The following GRM3 variants were observed in gnomAD, a reference collection of about 807,000 sequenced individuals.
GRM3 encodes metabotropic glutamate receptor 3.
Under a neutral mutation model 70.5 loss-of-function variants are expected in GRM3, and 26 were observed. That is an observed-to-expected ratio of 0.37 (90% CI 0.27 to 0.51). GRM3 has a LOEUF of 0.51. GRM3 is among the 20% of genes least tolerant of loss of function. The pLI is 0.93. For missense variants in GRM3, 859 were observed against 1,123.8 expected (o/e 0.76, Z 3.37); for synonymous variants, 443 against 434.9 (o/e 1.02, Z -0.23).
intron 4 of GRM3, among the ~76,000 whole-genome samples, 171 bp downstream of exon 4, chr7:86,840,076 A>C (rs1314483719): frequency 6.6e-6 from 1 of 152,228 alleles, no homozygotes; most frequent in Non-Finnish European, 1.5e-5. Context: ...GATAGCATTT[A>C]ATTAGTACCT....
At chr7:86,853,017 C>A (rs1798781895) in intron 5 of GRM3, among the ~76,000 whole-genome samples, 2 of 151,970 alleles carry the variant, frequency 1.3e-5, no homozygotes, top group African/African-American at 4.8e-5. Context: ...TATTGAGTAC[C>A]TACTACACAC....
At chr7:86,664,739 T>C (rs1415213177) in intron 1 of GRM3, among the ~76,000 whole-genome samples, 4 of 151,910 alleles carry the variant, frequency 2.6e-5, no homozygotes, top group Non-Finnish European at 4.4e-5. Flanking sequence ...GAGAAGCTCA[T>C]AGAGGGTGAT....
intron 1 of GRM3, among the ~76,000 whole-genome samples, chr7:86,677,491 A>G (rs574858821): frequency 6.6e-6 from 1 of 152,108 alleles, no homozygotes; most frequent in African/African-American, 2.4e-5. Context: ...ATATTTGGTC[A>G]CCAAACCTGT....
At chr7:86,785,718 T>TTG (rs1562862965) in intron 2 of GRM3, among the ~76,000 whole-genome samples, 1 of 122,640 alleles carries the variant, frequency 8.2e-6, no homozygotes, top group African/African-American at 3.2e-5. Flanking sequence ...TTTTTTTTTT[T>TTG]GCTTAACCTA....
At position 86,816,229 on chromosome 7, in the gene GRM3, T is replaced by C. The variant is rs1798011651; in HGVS notation, c.1325-22610T>C. ...CAAAGAAAAATATAGTGCTTCCCCA[T>C]CCAGTGGCTATTATTGCCTTTCAAC... is the stretch of plus-strand genomic sequence containing the variant. On this transcript the variant is annotated intron_variant, in intron 3 of 5. Coordinates refer to ENST00000361669, the MANE Select transcript of GRM3 (RefSeq NM_000840.3). Among the ~76,000 whole-genome samples the C allele has an allele frequency of 3.3e-5, 5 of 151,874 alleles. No individual in the cohort carries two copies. The South Asian group carries it at 1.0e-3, about 31-fold the overall frequency.
intron 1 of GRM3, among the ~76,000 whole-genome samples, chr7:86,678,989 T>G (rs1372954535): frequency 6.6e-6 from 1 of 152,106 alleles, no homozygotes; most frequent in Non-Finnish European, 1.5e-5. Flanking sequence ...AAAGTCTTTT[T>G]TTATCACTAT....
chr7:86,859,367 A>C (rs75975901), intron 5 of GRM3, among the ~76,000 whole-genome samples: 4,117 of 152,300 alleles, frequency 0.027, 184 homozygotes, highest in African/African-American at 0.094. Flanking sequence ...ATCTGCCCAG[A>C]TAACATCTAT....
At chr7:86,727,726 T>G (rs139518688) in intron 1 of GRM3, among the ~76,000 whole-genome samples, 186 of 152,272 alleles carry the variant, frequency 1.2e-3, no homozygotes, top group Non-Finnish European at 1.9e-3. Context: ...GAACTTACTG[T>G]TTTTCAGTCC....
intron 1 of GRM3, among the ~76,000 whole-genome samples, chr7:86,709,342 C>T (rs951081150): frequency 6.6e-6 from 1 of 152,120 alleles, no homozygotes; most frequent in East Asian, 1.9e-4. Flanking sequence ...ACCCATCCTA[C>T]TCCACTGCTT....
At chr7:86,660,316 A>G (rs1172198196) in intron 1 of GRM3, among the ~76,000 whole-genome samples, 1 of 152,034 alleles carries the variant, frequency 6.6e-6, no homozygotes, top group African/African-American at 2.4e-5. Context: ...CTTTCCTTGT[A>G]TCCTAGGAGA....
intron 1 of GRM3, among the ~76,000 whole-genome samples, chr7:86,679,796 G>T (rs1420270067): frequency 6.6e-6 from 1 of 151,836 alleles, no homozygotes; most frequent in Non-Finnish European, 1.5e-5. Flanking sequence ...TGCCCGGGGA[G>T]GTTTGTTACC....
chr7:86,696,895 G>A (rs951314687), intron 1 of GRM3, among the ~76,000 whole-genome samples: 1 of 152,110 alleles, frequency 6.6e-6, no homozygotes, highest in African/African-American at 2.4e-5. Context: ...TGTTGCCCAA[G>A]CCCATTGTCT....
intron 1 of GRM3, among the ~76,000 whole-genome samples, chr7:86,649,456 G>A (rs573749601): frequency 9.1e-4 from 138 of 152,098 alleles, no homozygotes; most frequent in Middle Eastern, 3.4e-3. Context: ...ATCTACGTAG[G>A]CATAGATTAA....
intron 1 of GRM3, among the ~76,000 whole-genome samples, chr7:86,708,210 A>C (rs1795103920): frequency 6.6e-6 from 1 of 152,098 alleles, no homozygotes; most frequent in South Asian, 2.1e-4. Flanking sequence ...GCCAAGCACC[A>C]TAAGCCCCCT....
rs1371406427 is a variant in GRM3 at position 86,864,832 on chromosome 7, G to A, written c.*477G>A. The A allele has an allele frequency of 6.5e-6, 1 of 152,824 alleles. No individual in the cohort carries two copies. Among genetic ancestry groups the A allele is most frequent in the East Asian group, 1.9e-4 (1 of 5,208 alleles). 9.5% of individuals were successfully genotyped at this position (152,824 alleles called of 1,614,324 possible). On this transcript the variant is annotated 3_prime_UTR_variant, in exon 6 of 6. Transcript: ENST00000361669. ...TCTCAGCACAAAATAAAAAGCATCT[G>A]TATTAATGTAAAGATACTGAGAATA...
chr7:86,716,406 A>G (rs1349858043), intron 1 of GRM3, among the ~76,000 whole-genome samples: 1 of 152,018 alleles, frequency 6.6e-6, no homozygotes, highest in Non-Finnish European at 1.5e-5. Flanking sequence ...GTTTGGATTT[A>G]TCGTCAGAAA....
At chr7:86,835,094 C>T (rs560959890) in intron 3 of GRM3, among the ~76,000 whole-genome samples, 85 of 151,966 alleles carry the variant, frequency 5.6e-4, no homozygotes, top group Non-Finnish European at 1.1e-3. Flanking sequence ...AATGACCATA[C>T]AACTGTGGAA....
At chr7:86,703,148 A>C (rs780220278) in intron 1 of GRM3, among the ~76,000 whole-genome samples, 2 of 151,988 alleles carry the variant, frequency 1.3e-5, no homozygotes, top group African/African-American at 2.4e-5. Flanking sequence ...TTTCTAGAAT[A>C]TGAACATTTC....
At chr7:86,755,519 A>T (rs75281105) in intron 1 of GRM3, among the ~76,000 whole-genome samples, 1 of 152,152 alleles carries the variant, frequency 6.6e-6, no homozygotes, top group Non-Finnish European at 1.5e-5. Flanking sequence ...GGGGACCAGA[A>T]TAGCCAGAAA....
Sources: allele counts gnomAD v4.1 joint callset (sites outside exome capture counted in the v4.1 genomes callset), GRCh38; gene constraint gnomAD v4.1.1; transcripts MANE v1.5; gene names NCBI Gene and HGNC (gene_info 2026-07-23, HGNC 2026-07-21).